Variants in SLC4A4 observed in about 807,000 individuals in gnomAD.
SLC4A4 encodes the protein solute carrier family 4 member 4.
Under a neutral mutation model 111.5 loss-of-function variants are expected in SLC4A4, and 27 were observed. That is an observed-to-expected ratio of 0.24 (90% CI 0.18 to 0.33). The LOEUF is 0.33. SLC4A4 is among the 10% of genes least tolerant of loss of function. The pLI, the probability that SLC4A4 is intolerant of heterozygous loss-of-function variation, is 1.00. For synonymous variants in SLC4A4, 443 were observed against 463.4 expected (o/e 0.96, Z 0.57); for missense variants, 909 against 1,315.5 (o/e 0.69, Z 4.78).
intron 6 of SLC4A4, among the ~76,000 whole-genome samples, chr4:71,362,873 C>G (rs193146381): frequency 1.5e-3 from 233 of 152,312 alleles, no homozygotes; most frequent in Admixed American, 4.3e-3. Flanking sequence ...CATGCCTTCT[C>G]CTGGTGCCCG....
At chr4:71,428,221 A>C (rs183955142) in intron 7 of SLC4A4, among the ~76,000 whole-genome samples, 7 of 152,252 alleles carry the variant, frequency 4.6e-5, no homozygotes, top group African/African-American at 1.7e-4. Flanking sequence ...ATAACCTACT[A>C]AGATGCTGTT....
chr4:71,339,043 T>C (rs955234266), intron 3 of SLC4A4: 13 of 1,481,228 alleles, frequency 8.8e-6, no homozygotes, highest in Middle Eastern at 2.5e-4. Context: ...GGATGAGTCA[T>C]AAGTGGAGAA....
intron 4 of SLC4A4, among the ~76,000 whole-genome samples, chr4:71,345,793 A>T (rs1194019483): frequency 1.3e-5 from 2 of 152,112 alleles, no homozygotes; most frequent in East Asian, 3.8e-4. Context: ...ATTTTTCTGT[A>T]AGAAAAAGAC....
chr4:71,347,248 G>GT (rs2148899048), intron 4 of SLC4A4, among the ~76,000 whole-genome samples: 1 of 152,264 alleles, frequency 6.6e-6, no homozygotes, highest in Admixed American at 6.5e-5. Flanking sequence ...AAGAACTGCA[G>GT]TGGTTTTGCT....
intron 6 of SLC4A4, among the ~76,000 whole-genome samples, chr4:71,357,942 G>A (rs1440696536): frequency 1.3e-5 from 2 of 152,144 alleles, no homozygotes. Context: ...GAAAATGAAG[G>A]TATGAAGGAA....
upstream of SLC4A4, chr4:71,187,190 G>C (rs529273621): frequency 1.3e-5 from 2 of 151,834 alleles, no homozygotes; most frequent in Non-Finnish European, 2.9e-5. Context: ...ACAACTTCCC[G>C]CGGCTCGGCC....
chr4:71,259,230 A>C (rs1339115252), intron 3 of SLC4A4, among the ~76,000 whole-genome samples: 1 of 152,220 alleles, frequency 6.6e-6, no homozygotes, highest in Non-Finnish European at 1.5e-5. Flanking sequence ...TAACAGGTTC[A>C]TTTAGTTTAT....
chr4:71,084,418 T>C (rs185009058), intron 1 of SLC4A4, among the ~76,000 whole-genome samples: 2 of 152,198 alleles, frequency 1.3e-5, no homozygotes, highest in Admixed American at 6.5e-5. Context: ...TTCTTTTTTA[T>C]TATACTTTAA....
chr4:71,440,065 T>C (rs919452069), intron 7 of SLC4A4, among the ~76,000 whole-genome samples: 9 of 152,122 alleles, frequency 5.9e-5, no homozygotes, highest in Admixed American at 5.9e-4. Context: ...CTCCAATTTT[T>C]GCATAGCTTG....
At chr4:71,213,664 T>G (rs1352624752) in intron 1 of SLC4A4, among the ~76,000 whole-genome samples, 2 of 152,150 alleles carry the variant, frequency 1.3e-5, no homozygotes, top group South Asian at 2.1e-4. Flanking sequence ...AGTCATAAGT[T>G]GAAGCCCTAA....
chr4:71,255,010 T>C (rs1208899695), intron 2 of SLC4A4, among the ~76,000 whole-genome samples: 1 of 152,208 alleles, frequency 6.6e-6, no homozygotes. Context: ...TAGAGTACAC[T>C]CTCACAGAGT....
intron 23 of SLC4A4, among the ~76,000 whole-genome samples, chr4:71,563,310 G>C (rs1422348318): frequency 1.3e-5 from 2 of 151,760 alleles, no homozygotes; most frequent in African/African-American, 4.8e-5. Flanking sequence ...TACATAGAAG[G>C]CTTCTTGATA....
intron 2 of SLC4A4, among the ~76,000 whole-genome samples, chr4:71,154,274 A>T (rs1251715375): frequency 6.6e-6 from 1 of 152,158 alleles, no homozygotes; most frequent in Non-Finnish European, 1.5e-5. Flanking sequence ...CTAGCTCTGG[A>T]TAGAGGGGTG....
In SLC4A4 at chr4:71,197,403, ATTAAC is replaced by A. The variant is rs200808750; in HGVS notation, c.-2+10006_-2+10010del. Among the ~76,000 whole-genome samples the A allele has an allele frequency of 3.1e-4, 47 of 152,318 alleles. No homozygotes were observed. The East Asian group carries it at 5.8e-3, about 19-fold the overall frequency. ...ATGTTATAGTTTCTTGGAAAAATTA[ATTAAC>A]TTATTTTGATATGACTGTATTTGAT... On this transcript the variant is annotated intron_variant, in intron 1 of 25. Coordinates refer to ENST00000264485, the MANE Select transcript of SLC4A4 (RefSeq NM_001098484.3).
Position 71,466,966 on chromosome 4 carries a change from G to GAGAGAGAGAGAGAGAGAGAGA in SLC4A4, c.1631+389_1631+390insAGAGAGAGAGAGAGAGAGAGA, listed in dbSNP as rs369970583. Among the ~76,000 whole-genome samples, 44 of 88,472 alleles carry GAGAGAGAGAGAGAGAGAGAGA rather than the reference G, an allele frequency of 5.0e-4. 1 individual carries two copies. The highest frequency in any genetic ancestry group is 2.1e-3 in the East Asian group (5 of 2,340). The allele number at this position is 88,472 out of a possible 152,430, so 58.0% of individuals were successfully genotyped here. A position where few individuals can be genotyped will look rare whatever the true frequency, so the allele number is the denominator to read the frequency against. On this transcript the variant is annotated intron_variant, in intron 13 of 25. Coordinates refer to ENST00000264485, the MANE Select transcript of SLC4A4 (RefSeq NM_001098484.3). ...GAGAGAGAGAGAGAGAGAGAGAGAGGGAGAGAGAGAGAGGTCTGAGTATGT... is the reference window on the plus strand; with the variant it reads ...GAGAGAGAGAGAGAGAGAGAGAGAGGAGAGAGAGAGAGAGAGAGAGAGAGAGAGAGAGAGGTCTGAGTATGT...
At chr4:71,433,789 A>G (rs1723860750) in intron 7 of SLC4A4, among the ~76,000 whole-genome samples, 1 of 152,150 alleles carries the variant, frequency 6.6e-6, no homozygotes, top group Admixed American at 6.6e-5. Flanking sequence ...TATTGAGGTC[A>G]TAAGGAAAAT....
chr4:71,551,700 C>T (rs897403684), intron 20 of SLC4A4, among the ~76,000 whole-genome samples: 4 of 151,874 alleles, frequency 2.6e-5, no homozygotes, highest in Non-Finnish European at 5.9e-5. Context: ...AGAACTCATT[C>T]ACTTTCATTT....
At chr4:71,488,823 A>G (rs1215949512) in intron 15 of SLC4A4, among the ~76,000 whole-genome samples, 1 of 151,568 alleles carries the variant, frequency 6.6e-6, no homozygotes, top group Non-Finnish European at 1.5e-5. Context: ...CATCAATTGC[A>G]TACCTTAATT....
At chr4:71,352,554 G>C (rs888078333) in intron 5 of SLC4A4, among the ~76,000 whole-genome samples, 1 of 152,154 alleles carries the variant, frequency 6.6e-6, no homozygotes, top group African/African-American at 2.4e-5. Context: ...ATGTTGGGGA[G>C]TTTTAATTAA....
Sources: gnomAD v4.1 joint callset for allele counts (sites outside exome capture counted in the v4.1 genomes callset) on GRCh38, gnomAD v4.1.1 for gene constraint, MANE v1.5 for transcripts, NCBI Gene and HGNC (gene_info 2026-07-23, HGNC 2026-07-21) for gene names.